The following VDAC1 variants were observed in gnomAD, a reference collection of about 807,000 sequenced individuals.
The protein encoded by VDAC1 is non-selective voltage-gated ion channel VDAC1.
A neutral mutation model predicts 34.7 loss-of-function variants in VDAC1; 10 were observed. The ratio of observed to expected loss-of-function variants is 0.29; its 90% CI spans 0.18 to 0.49. VDAC1 has a LOEUF of 0.49. Among genes scored for constraint, VDAC1 ranks in the 20% least tolerant of loss-of-function variants. The pLI, the probability that VDAC1 is intolerant of heterozygous loss-of-function variation, is 0.99. For missense variants in VDAC1, 230 were observed against 347.9 expected (o/e 0.66, Z 2.69); for synonymous variants, 130 against 136.0 (o/e 0.96, Z 0.30).
At chr5:134,058,973 G>T in the VDAC1 span, among the ~76,000 whole-genome samples, 2 of 152,192 alleles carry the variant, frequency 1.3e-5, no homozygotes, top group Admixed American at 1.3e-4. Context: ...CCTCATGCCC[G>T]CGTGCCAATG....
At chr5:134,046,981 C>A in the VDAC1 span, among the ~76,000 whole-genome samples, 1 of 152,128 alleles carries the variant, frequency 6.6e-6, no homozygotes, top group Non-Finnish European at 1.5e-5. Context: ...AATGTTTTTG[C>A]CACCCTGCCC....
chr5:134,111,437 C>G, the VDAC1 span, among the ~76,000 whole-genome samples: 4 of 152,292 alleles, frequency 2.6e-5, no homozygotes, highest in South Asian at 8.3e-4. Context: ...GCAACCACAG[C>G]AGATTGCACT....
the VDAC1 span, among the ~76,000 whole-genome samples, chr5:134,114,135 G>A: frequency 6.6e-6 from 1 of 152,222 alleles, no homozygotes; most frequent in Non-Finnish European, 1.5e-5. Context: ...GTATACTTAT[G>A]TTCGCACTGT....
At chr5:134,094,427 G>A in the VDAC1 span, among the ~76,000 whole-genome samples, 1 of 152,176 alleles carries the variant, frequency 6.6e-6, no homozygotes, top group African/African-American at 2.4e-5. Flanking sequence ...GGCCGGGCGC[G>A]GTGGCTCACA....
At chr5:134,014,669 C>T in the VDAC1 span, among the ~76,000 whole-genome samples, 1 of 152,116 alleles carries the variant, frequency 6.6e-6, no homozygotes, top group African/African-American at 2.4e-5. Context: ...AGTTCAAGAC[C>T]AGCCTAGCCA....
intron 8 of VDAC1, 139 bp downstream of exon 8, chr5:133,973,652 T>A (rs567179814): frequency 1.4e-6 from 1 of 699,476 alleles, no homozygotes. Flanking sequence ...TATAAACATT[T>A]AATTATACTT....
the VDAC1 span, among the ~76,000 whole-genome samples, chr5:134,055,418 T>C: frequency 2.0e-5 from 3 of 151,746 alleles, no homozygotes; most frequent in East Asian, 5.8e-4. Context: ...ATTTTGTTTG[T>C]TTGTTTGTTT....
rs148497391 is a variant in VDAC1 at position 133,988,547 on chromosome 5, G to C, written c.323+2308C>G. 3.8e-3 allele frequency among the ~76,000 whole-genome samples: 583 copies of C among 152,120 alleles called. 4 individuals carry two copies. Among genetic ancestry groups the C allele is most frequent in the African/African-American group, 0.014 (570 of 41,484 alleles). On this transcript the variant is annotated intron_variant, in intron 5 of 8. Transcript: ENST00000265333. ...TGGGAGGCCGAGGCAGGTGGATCAC[G>C]AGGTCAGAAGTTCAAGACCAGCCTG...
At chr5:133,996,063 G>A (rs1753291726) in intron 1 of VDAC1, among the ~76,000 whole-genome samples, 1 of 152,242 alleles carries the variant, frequency 6.6e-6, no homozygotes, top group Admixed American at 6.5e-5. Flanking sequence ...GCATGAAGCA[G>A]GGCAGTCTGG....
At chr5:134,036,269 A>G in the VDAC1 span, among the ~76,000 whole-genome samples, 32 of 152,290 alleles carry the variant, frequency 2.1e-4, 1 homozygote, top group South Asian at 4.1e-3. Context: ...CATAAACATC[A>G]TGTGCTTCCT....
At chr5:133,991,866 G>A (rs1753116803) in intron 3 of VDAC1, among the ~76,000 whole-genome samples, 1 of 152,092 alleles carries the variant, frequency 6.6e-6, no homozygotes, top group Admixed American at 6.6e-5. Flanking sequence ...TACACTAGAA[G>A]CCCAAACCTC....
intron 1 of VDAC1, among the ~76,000 whole-genome samples, chr5:133,999,845 G>C (rs1157312448): frequency 1.3e-5 from 2 of 152,124 alleles, no homozygotes; most frequent in South Asian, 4.2e-4. Flanking sequence ...CATCATCATT[G>C]CCATCATCTT....
the VDAC1 span, among the ~76,000 whole-genome samples, chr5:134,030,197 G>A: frequency 1.1e-4 from 16 of 152,066 alleles, no homozygotes; most frequent in East Asian, 3.9e-4. Context: ...AAAATTAGCC[G>A]GGCGTGGTGG....
At chr5:134,042,557 A>T in the VDAC1 span, among the ~76,000 whole-genome samples, 1 of 151,932 alleles carries the variant, frequency 6.6e-6, no homozygotes, top group Non-Finnish European at 1.5e-5. Context: ...GCAGTGGTGC[A>T]ATCTCAGCTC....
At chr5:134,057,862 G>T in the VDAC1 span, among the ~76,000 whole-genome samples, 1 of 152,088 alleles carries the variant, frequency 6.6e-6, no homozygotes, top group African/African-American at 2.4e-5. Context: ...CTGATGGGCA[G>T]ACAAAAATAA....
the VDAC1 span, among the ~76,000 whole-genome samples, chr5:134,078,468 G>A: frequency 2.3e-4 from 35 of 152,060 alleles, no homozygotes; most frequent in Non-Finnish European, 3.4e-4. Context: ...TTAGGGACCC[G>A]CCACCGCAAG....
chr5:134,075,812 C>T, the VDAC1 span, among the ~76,000 whole-genome samples: 6 of 152,130 alleles, frequency 3.9e-5, no homozygotes, highest in Admixed American at 3.3e-4. Context: ...GTCTCGATCT[C>T]CTGACCTGGT....
chr5:134,069,900 C>T, the VDAC1 span, among the ~76,000 whole-genome samples: 1 of 152,122 alleles, frequency 6.6e-6, no homozygotes, highest in African/African-American at 2.4e-5. Flanking sequence ...GGCCAAAACC[C>T]ACCACAACCA....
chr5:133,982,698 T>C (rs1251801144), intron 5 of VDAC1, among the ~76,000 whole-genome samples: 1 of 152,142 alleles, frequency 6.6e-6, no homozygotes, highest in African/African-American at 2.4e-5. Flanking sequence ...AAGGCCAGCC[T>C]GGCCAACATG....
Sources: gnomAD v4.1 joint callset for allele counts (sites outside exome capture counted in the v4.1 genomes callset) on GRCh38, gnomAD v4.1.1 for gene constraint, MANE v1.5 for transcripts, NCBI Gene and HGNC (gene_info 2026-07-23, HGNC 2026-07-21) for gene names.